Variants in SLC9A8 observed in about 807,000 individuals in gnomAD.
SLC9A8 encodes the protein sodium/hydrogen exchanger 8.
SLC9A8 carries 48 observed loss-of-function variants against 66.6 expected under a neutral mutation model. The observed-to-expected ratio is 0.72, with a 90% CI of 0.57 to 0.92. The LOEUF is 0.92. SLC9A8 is among the 40% of genes least tolerant of loss of function. The pLI is 0.00. For synonymous variants in SLC9A8, 274 were observed against 282.6 expected, an observed-to-expected ratio of 0.97 and a Z score of 0.31; for missense variants, 599 against 747.3, an observed-to-expected ratio of 0.80 and a Z score of 2.31.
chr20:49,884,273 CGACACACACACACACGA>C, intron 14 of SLC9A8: 1 of 208,048 alleles, frequency 4.8e-6, no homozygotes, highest in Non-Finnish European at 8.9e-6. Flanking sequence ...CACACACACA[CGACACACACACACACGA>C]CACACACACA....
At chr20:49,822,911 C>T (rs1002773883) in intron 2 of SLC9A8, 150 bp from the exon 3 acceptor site, 2 of 640,128 alleles carry the variant, frequency 3.1e-6, no homozygotes, top group African/African-American at 3.7e-5. Flanking sequence ...AGAAATGAGA[C>T]ACGAAAAACA....
At chr20:49,819,357 G>T (rs926529099) in intron 2 of SLC9A8, among the ~76,000 whole-genome samples, 2 of 152,112 alleles carry the variant, frequency 1.3e-5, no homozygotes, top group South Asian at 4.1e-4. Flanking sequence ...ACTTGAAAAC[G>T]TGCTTGTTTT....
chr20:49,849,273 G>C (rs1031729399), intron 5 of SLC9A8, among the ~76,000 whole-genome samples: 1 of 152,188 alleles, frequency 6.6e-6, no homozygotes, highest in Non-Finnish European at 1.5e-5. Flanking sequence ...AGCACAATCA[G>C]ATTTGTCTTT....
intron 8 of SLC9A8, among the ~76,000 whole-genome samples, chr20:49,857,278 A>C (rs1158808283): frequency 6.6e-6 from 1 of 152,248 alleles, no homozygotes; most frequent in Non-Finnish European, 1.5e-5. Flanking sequence ...TTACCTGAAT[A>C]CTGACTTACT....
In SLC9A8 at chr20:49,834,388, G is replaced by GTGTATATATATATATACTGTA. The variant is rs2087408728; in HGVS notation, c.290-5152_290-5151insGTATATATATATATACTGTAT. 7.5e-4 allele frequency among the ~76,000 whole-genome samples: 44 copies of GTGTATATATATATATACTGTA among 58,844 alleles called. 9 individuals are homozygous for GTGTATATATATATATACTGTA. The highest frequency in any genetic ancestry group is 0.016 in the Middle Eastern group (2 of 128). The allele number at this position is 58,844 out of a possible 152,430, so 38.6% of individuals were successfully genotyped here. ...TACTGTGTATATATATATATACTGT[G>GTGTATATATATATATACTGTA]TATATATATATACTGTGTATATATA... On this transcript the variant is annotated intron_variant, in intron 3 of 15. Transcript: ENST00000361573.
At chr20:49,873,469 G>A (rs2089289121) in intron 10 of SLC9A8, among the ~76,000 whole-genome samples, 1 of 103,224 alleles carries the variant, frequency 9.7e-6, no homozygotes. Context: ...GCGACAACGC[G>A]AAACCCTGTC....
intron 10 of SLC9A8, among the ~76,000 whole-genome samples, chr20:49,868,968 C>G (rs2089085658): frequency 6.6e-6 from 1 of 152,236 alleles, no homozygotes. Context: ...TAGCTATTCT[C>G]AGAATATTTG....
At position 49,863,037 on chromosome 20, in the gene SLC9A8, C is replaced by T. The variant is rs563548271; in HGVS notation, c.822C>T (p.Leu274=). 4.5e-5 allele frequency: 72 copies of T among 1,613,694 alleles called. No individual in the cohort carries two copies. The East Asian group carries it at 7.4e-4, about 16-fold the overall frequency. The part of the protein sequence containing the change: ...FLKMFFGSAA[L]GTLTGLISAL... ...AAATGTTCTTTGGCTCTGCAGCGCTCGGCACTCTCACTGGCTTAATTTCTG... is the reference window on the plus strand; with the variant it reads ...AAATGTTCTTTGGCTCTGCAGCGCTTGGCACTCTCACTGGCTTAATTTCTG... Residue 274 remains leucine, a synonymous_variant, in exon 9 of 16, where the codon CTC becomes CTT. Transcript: ENST00000361573.
chr20:49,831,417 CTCTCTCTCTCTCTCTG>C (rs1282420310), intron 3 of SLC9A8, among the ~76,000 whole-genome samples: 2 of 150,894 alleles, frequency 1.3e-5, no homozygotes, highest in African/African-American at 2.5e-5. Context: ...CTCTCTCTCT[CTCTCTCTCTCTCTCTG>C]TCTCTCTCTC....
chr20:49,828,578 C>T (rs1232618647), intron 3 of SLC9A8, among the ~76,000 whole-genome samples: 1 of 150,508 alleles, frequency 6.6e-6, no homozygotes, highest in South Asian at 2.1e-4. Context: ...TGGCTCATGC[C>T]TGTAATCCCA....
At position 49,839,553 on chromosome 20, in the gene SLC9A8, G is replaced by A; in HGVS notation, c.302G>A (p.Gly101Glu). The A allele has an allele frequency of 6.3e-7, 1 of 1,582,582 alleles. No homozygotes were observed. Among genetic ancestry groups the A allele is most frequent in the Non-Finnish European group, 8.7e-7 (1 of 1,154,054 alleles). The stretch of plus-strand genomic sequence containing the variant: ...TTTTCTCTTGTAGGTATTCTCATGG[G>A]AGCAGTTATAAAAATTATAGAGTTT... Reference protein sequence around the residue: ...VAVVSLGILMGAVIKIIEFKK... With the variant: ...VAVVSLGILMEAVIKIIEFKK... The change falls in exon 4 of 16, where the codon GGA becomes GAA. Residue 101 changes from glycine to glutamate, a missense_variant. Transcript: ENST00000361573.
chr20:49,834,508 T>C (rs2087453534), intron 3 of SLC9A8, among the ~76,000 whole-genome samples: 1 of 146,560 alleles, frequency 6.8e-6, no homozygotes, highest in African/African-American at 2.5e-5. Context: ...ACACACACTA[T>C]ATATATGCCA....
intron 3 of SLC9A8, among the ~76,000 whole-genome samples, chr20:49,835,193 T>TTC (rs397792234): frequency 1.4e-5 from 2 of 146,014 alleles, no homozygotes; most frequent in Non-Finnish European, 3.0e-5. Context: ...AGTCTGGGTT[T>TTC]GTTTTTTTTT....
At chr20:49,833,911 AT>A (rs1330056550) in intron 3 of SLC9A8, among the ~76,000 whole-genome samples, 1 of 152,052 alleles carries the variant, frequency 6.6e-6, no homozygotes, top group Non-Finnish European at 1.5e-5. Flanking sequence ...GTTTCTATTT[AT>A]TTTTAACCTC....
In SLC9A8 at chr20:49,874,801, GC is replaced by G; in HGVS notation, c.1056del (p.Thr353ProfsTer34). ...VTQILMQQTL[R>X]TVAFLCETCV... ...CAGATCCTCATGCAGCAGACCCTCCGCACCGTGGCCTTCTTATGTGGTGAGT... is the reference window on the plus strand; with the variant it reads ...CAGATCCTCATGCAGCAGACCCTCCGACCGTGGCCTTCTTATGTGGTGAGT... On this transcript the variant is annotated frameshift_variant, in exon 11 of 16. Transcript: ENST00000361573. LOFTEE classifies it high-confidence loss of function. 6.2e-7 allele frequency: 1 copy of G among 1,612,622 alleles called. No individual in the cohort carries two copies. Among genetic ancestry groups the G allele is most frequent in the Non-Finnish European group, 8.5e-7 (1 of 1,178,644 alleles).
intron 14 of SLC9A8, among the ~76,000 whole-genome samples, chr20:49,885,069 A>G (rs645544): frequency 0.49 from 74,262 of 152,132 alleles, 19,056 homozygotes; most frequent in East Asian, 0.77. Context: ...CTCCATGCTC[A>G]GCTGGGCCCC....
At chr20:49,884,539 C>T (rs1170513530) in intron 14 of SLC9A8, among the ~76,000 whole-genome samples, 1 of 152,092 alleles carries the variant, frequency 6.6e-6, no homozygotes, top group African/African-American at 2.4e-5. Flanking sequence ...CTCTGCCCTG[C>T]CAGCAGCTGA....
chr20:49,815,299 G>A (rs2086508782), intron 2 of SLC9A8, 110 bp downstream of exon 2: 1 of 906,224 alleles, frequency 1.1e-6, no homozygotes, highest in Admixed American at 3.0e-5. Context: ...CTCCCATTTG[G>A]TTTTCATATC....
At chr20:49,884,944 G>C (rs2089835896) in intron 14 of SLC9A8, among the ~76,000 whole-genome samples, 2 of 152,230 alleles carry the variant, frequency 1.3e-5, no homozygotes, top group African/African-American at 4.8e-5. Flanking sequence ...TCTCTTTCTA[G>C]TTCCCGTATT....
Sources: allele counts gnomAD v4.1 joint callset (sites outside exome capture counted in the v4.1 genomes callset), GRCh38; gene constraint gnomAD v4.1.1; transcripts MANE v1.5; gene names NCBI Gene and HGNC (gene_info 2026-07-23, HGNC 2026-07-21).